The following PDLIM5 variants were observed in gnomAD, a reference collection of about 807,000 sequenced individuals.
PDLIM5 encodes the protein PDZ and LIM domain protein 5.
Under a neutral mutation model 64.2 loss-of-function variants are expected in PDLIM5, and 34 were observed. The ratio of observed to expected loss-of-function variants is 0.53; its 90% CI spans 0.40 to 0.71. The LOEUF (loss-of-function observed/expected upper bound fraction) is 0.71. Ranked by LOEUF, PDLIM5 falls within the 30% of genes least tolerant of loss-of-function variation. The pLI, the probability that PDLIM5 is intolerant of heterozygous loss-of-function variation, is 0.00. For missense variants in PDLIM5, 683 were observed against 733.6 expected (o/e 0.93, Z 0.80); for synonymous variants, 253 against 269.1 (o/e 0.94, Z 0.59).
intron 5 of PDLIM5, among the ~76,000 whole-genome samples, 168 bp downstream of exon 5, chr4:94,576,202 G>T (rs1735240247): frequency 6.6e-6 from 1 of 152,172 alleles, no homozygotes; most frequent in Non-Finnish European, 1.5e-5. Context: ...GGTACTTTCT[G>T]CAAAGCAATT....
intron 2 of PDLIM5, among the ~76,000 whole-genome samples, chr4:94,481,430 T>A (rs7673478): frequency 2.6e-5 from 4 of 151,340 alleles, no homozygotes; most frequent in Non-Finnish European, 5.9e-5. Context: ...ATTACAGGCA[T>A]GTGCCACCAT....
At position 94,666,142 on chromosome 4, in the gene PDLIM5, C is replaced by T. The variant is rs1743072301; in HGVS notation, c.*2075C>T. On this transcript the variant is annotated 3_prime_UTR_variant, in exon 13 of 13. Transcript: ENST00000317968. The stretch of plus-strand genomic sequence containing the variant: ...CTGCCCCATCACTCACTTACGACAT[C>T]ACTTCCATTGTGTGCATGTTTGTTA... 1.3e-6 allele frequency: 1 copy of T among 784,228 alleles called. No homozygotes were observed. The highest frequency in any genetic ancestry group is 2.0e-6 in the Non-Finnish European group (1 of 494,400). The allele number at this position is 784,228 out of a possible 1,614,324, so 48.6% of individuals were successfully genotyped here. A position where few individuals can be genotyped will look rare whatever the true frequency, so the allele number is the denominator to read the frequency against.
rs556276876 is a variant in PDLIM5 at position 94,535,161 on chromosome 4, C to T, written c.248+11286C>T. On this transcript the variant is annotated intron_variant, in intron 3 of 12. Transcript: ENST00000317968. Reference sequence around the variant, plus strand: ...GTATTGCAGTAACCTGGCTTAGTGACGGCTTGAAATAGAAAGCAGGAGAAA... The same window carrying T: ...GTATTGCAGTAACCTGGCTTAGTGATGGCTTGAAATAGAAAGCAGGAGAAA... Among the ~76,000 whole-genome samples, 120 of 152,186 alleles carry T rather than the reference C, an allele frequency of 7.9e-4. 1 individual carries two copies. The highest frequency in any genetic ancestry group is 4.1e-3 in the South Asian group (20 of 4,822).
At chr4:94,452,089 C>T (rs1309498986) in intron 1 of PDLIM5, 94 bp downstream of exon 1, 1 of 152,374 alleles carries the variant, frequency 6.6e-6, no homozygotes, top group Admixed American at 6.5e-5. Flanking sequence ...GAAGGGAAGC[C>T]CGGTTGGGGA....
intron 7 of PDLIM5, among the ~76,000 whole-genome samples, chr4:94,593,403 CTG>C (rs1043726335): frequency 6.6e-6 from 1 of 152,142 alleles, no homozygotes; most frequent in Non-Finnish European, 1.5e-5. Flanking sequence ...GTTCTGGAGA[CTG>C]TAAGTTCTAG....
At chr4:94,460,139 G>A (rs1433596765) in intron 2 of PDLIM5, among the ~76,000 whole-genome samples, 1 of 152,148 alleles carries the variant, frequency 6.6e-6, no homozygotes, top group East Asian at 1.9e-4. Context: ...TATTTCACAT[G>A]TGTGTTCACT....
At position 94,667,136 on chromosome 4, in the gene PDLIM5, CAT is replaced by C. The variant is rs1486279014; in HGVS notation, c.*3071_*3072del. Reference sequence around the variant, plus strand: ...TTTTGGAATGCTGTACTTGGCATAACATAGATTAAAATCATAATGCATGACTA... The same window carrying C: ...TTTTGGAATGCTGTACTTGGCATAACAGATTAAAATCATAATGCATGACTA... On this transcript the variant is annotated 3_prime_UTR_variant, in exon 13 of 13. Transcript: ENST00000317968. The C allele has an allele frequency of 6.6e-6, 1 of 152,162 alleles. No individual in the cohort carries two copies. Among genetic ancestry groups the C allele is most frequent in the African/African-American group, 2.4e-5 (1 of 41,430 alleles). 9.4% of individuals were successfully genotyped at this position (152,162 alleles called of 1,614,324 possible). A position where few individuals can be genotyped will look rare whatever the true frequency, so the allele number is the denominator to read the frequency against.
At chr4:94,591,056 T>C (rs931401179) in intron 7 of PDLIM5, among the ~76,000 whole-genome samples, 1 of 152,174 alleles carries the variant, frequency 6.6e-6, no homozygotes, top group African/African-American at 2.4e-5. Flanking sequence ...ACAAACAGAA[T>C]ATCCTGCAGA....
At chr4:94,568,924 A>G (rs1347471481) in intron 3 of PDLIM5, among the ~76,000 whole-genome samples, 1 of 152,230 alleles carries the variant, frequency 6.6e-6, no homozygotes, top group African/African-American at 2.4e-5. Context: ...ATGAATTTAC[A>G]TGGAATATCA....
At chr4:94,614,214 G>T (rs972412532) in intron 7 of PDLIM5, among the ~76,000 whole-genome samples, 3 of 152,068 alleles carry the variant, frequency 2.0e-5, no homozygotes, top group Non-Finnish European at 4.4e-5. Context: ...GCCCACCTCG[G>T]CCTCCCAAGG....
chr4:94,529,877 T>C (rs1730705844), intron 3 of PDLIM5, among the ~76,000 whole-genome samples: 1 of 152,212 alleles, frequency 6.6e-6, no homozygotes, highest in Non-Finnish European at 1.5e-5. Context: ...ACAGTGCTTA[T>C]TTTTAAATGT....
At chr4:94,503,353 G>A (rs774986) in intron 2 of PDLIM5, among the ~76,000 whole-genome samples, 152,096 of 152,336 alleles carry the variant, frequency 1, 75,928 homozygotes, top group East Asian at 1. Flanking sequence ...TTAATTCAGT[G>A]TTTAAATTAT....
intron 7 of PDLIM5, among the ~76,000 whole-genome samples, chr4:94,610,486 T>C (rs1472667642): frequency 6.6e-6 from 1 of 152,216 alleles, no homozygotes; most frequent in African/African-American, 2.4e-5. Context: ...ACTGGTTTTT[T>C]CTTAAAAAAT....
At chr4:94,651,036 G>A (rs1462416408) in intron 9 of PDLIM5, among the ~76,000 whole-genome samples, 2 of 152,174 alleles carry the variant, frequency 1.3e-5, no homozygotes, top group Non-Finnish European at 2.9e-5. Context: ...TGTCATTCCT[G>A]TTCACAAATG....
Position 94,585,646 on chromosome 4 carries a change from G to T in PDLIM5, c.792G>T (p.Leu264=). 3 of 1,612,820 alleles carry T rather than the reference G, an allele frequency of 1.9e-6. No individual in the cohort carries two copies. Among genetic ancestry groups the T allele is most frequent in the Non-Finnish European group, 2.5e-6 (3 of 1,179,336 alleles). ...PTHSDASKKR[L]IEDTEDWRPR... ...ACAGTGATGCCAGCAAGAAGAGACT[G>T]ATTGAGGATACTGAAGACTGGCGTC... The change falls in exon 6 of 13, where the codon CTG becomes CTT. Residue 264 remains leucine, a synonymous_variant. Transcript: ENST00000317968.
chr4:94,622,956 ACCACGCCCGGCCT>A (rs971903409), intron 8 of PDLIM5, among the ~76,000 whole-genome samples: 2 of 152,086 alleles, frequency 1.3e-5, no homozygotes, highest in Non-Finnish European at 2.9e-5. Flanking sequence ...GGCATAAGCC[ACCACGCCCGGCCT>A]CCATTTCTTT....
intron 2 of PDLIM5, among the ~76,000 whole-genome samples, chr4:94,481,520 G>A (rs1255411584): frequency 6.7e-6 from 1 of 148,890 alleles, no homozygotes; most frequent in East Asian, 2.0e-4. Context: ...CTGACCTCGT[G>A]ATCTGCCTGC....
intron 1 of PDLIM5, among the ~76,000 whole-genome samples, chr4:94,454,266 CAA>C (rs1723123535): frequency 6.8e-6 from 1 of 148,090 alleles, no homozygotes; most frequent in Non-Finnish European, 1.5e-5. Flanking sequence ...TCCATTAAAA[CAA>C]AAGAAAACTT....
At chr4:94,573,658 T>A in intron 4 of PDLIM5, 1 of 458,680 alleles carries the variant, frequency 2.2e-6, no homozygotes, top group South Asian at 3.1e-5. Flanking sequence ...TATTCACTTT[T>A]GATGAGCCCA....
Sources: gnomAD v4.1 joint callset for allele counts (sites outside exome capture counted in the v4.1 genomes callset) on GRCh38, gnomAD v4.1.1 for gene constraint, MANE v1.5 for transcripts, NCBI Gene and HGNC (gene_info 2026-07-23, HGNC 2026-07-21) for gene names.